The following ST6GALNAC3 variants were observed in gnomAD, a reference collection of about 807,000 sequenced individuals.
The protein encoded by ST6GALNAC3 is alpha-N-acetylgalactosaminide alpha-2,6-sialyltransferase 3.
A neutral mutation model predicts 32.7 loss-of-function variants in ST6GALNAC3; 25 were observed. That is an observed-to-expected ratio of 0.76 (90% CI 0.56 to 1.07). The LOEUF (loss-of-function observed/expected upper bound fraction) is 1.07, where lower values mean the gene tolerates loss of function less well. Ranked by LOEUF, ST6GALNAC3 falls within the 50% of genes least tolerant of loss-of-function variation. The pLI is 0.00. For synonymous variants in ST6GALNAC3, 129 were observed against 133.1 expected, an observed-to-expected ratio of 0.97 and a Z score of 0.21; for missense variants, 355 against 382.4, an observed-to-expected ratio of 0.93 and a Z score of 0.60.
At chr1:76,262,175 T>C (rs1311884712) in intron 1 of ST6GALNAC3, among the ~76,000 whole-genome samples, 1 of 152,220 alleles carries the variant, frequency 6.6e-6, no homozygotes, top group African/African-American at 2.4e-5. Flanking sequence ...GCTTTACCAA[T>C]GATCCCTTAA....
chr1:76,187,579 G>GGCTTT (rs1653635317), intron 1 of ST6GALNAC3, among the ~76,000 whole-genome samples: 2 of 152,168 alleles, frequency 1.3e-5, no homozygotes, highest in South Asian at 4.1e-4. Context: ...TTACTCCAAA[G>GGCTTT]GAACTCTGGA....
chr1:76,494,431 AT>A (rs1660681954), intron 3 of ST6GALNAC3, among the ~76,000 whole-genome samples: 1 of 17,022 alleles, frequency 5.9e-5, no homozygotes. Flanking sequence ...GTGCATGTGT[AT>A]ATATATATAT....
At chr1:76,228,931 T>C (rs1369815391) in intron 1 of ST6GALNAC3, among the ~76,000 whole-genome samples, 2 of 152,138 alleles carry the variant, frequency 1.3e-5, no homozygotes, top group African/African-American at 4.8e-5. Flanking sequence ...TTGATAGATA[T>C]CTGAGCAGAG....
chr1:76,345,092 C>T (rs966954064), intron 2 of ST6GALNAC3, among the ~76,000 whole-genome samples: 14 of 152,224 alleles, frequency 9.2e-5, no homozygotes, highest in Middle Eastern at 3.4e-3. Context: ...TAGCTGATTG[C>T]CTCTTTGTCA....
chr1:76,171,545 G>T (rs184603545), intron 1 of ST6GALNAC3, among the ~76,000 whole-genome samples: 10 of 150,330 alleles, frequency 6.7e-5, no homozygotes, highest in African/African-American at 2.4e-4. Context: ...CCATTAGCTA[G>T]ACTAATAAGG....
At chr1:76,263,148 G>C (rs1658340029) in intron 1 of ST6GALNAC3, among the ~76,000 whole-genome samples, 1 of 151,998 alleles carries the variant, frequency 6.6e-6, no homozygotes, top group Non-Finnish European at 1.5e-5. Flanking sequence ...AAACAATATA[G>C]AGATTATAGT....
chr1:76,263,095 G>A (rs1272687803), intron 1 of ST6GALNAC3, among the ~76,000 whole-genome samples: 1 of 152,040 alleles, frequency 6.6e-6, no homozygotes, highest in African/African-American at 2.4e-5. Context: ...AATATTTTCA[G>A]GTGACTCAGT....
chr1:76,623,354 G>A (rs910454915), intron 3 of ST6GALNAC3, among the ~76,000 whole-genome samples: 7 of 151,868 alleles, frequency 4.6e-5, no homozygotes, highest in African/African-American at 1.7e-4. Flanking sequence ...TCACACGCCT[G>A]CCTTTATTTT....
intron 1 of ST6GALNAC3, among the ~76,000 whole-genome samples, chr1:76,250,747 C>G (rs755827228): frequency 1.3e-5 from 2 of 152,132 alleles, no homozygotes; most frequent in African/African-American, 4.8e-5. Context: ...TGAGGTCTGT[C>G]GTGGTGCCTG....
intron 3 of ST6GALNAC3, among the ~76,000 whole-genome samples, chr1:76,449,387 C>G (rs916185837): frequency 2.6e-5 from 4 of 152,178 alleles, no homozygotes; most frequent in African/African-American, 9.7e-5. Flanking sequence ...TACAAACATT[C>G]ATGTGCAAAA....
chr1:76,313,793 A>G lies in ST6GALNAC3; in HGVS notation c.19-12A>G. 3 of 1,609,856 alleles carry G rather than the reference A, an allele frequency of 1.9e-6. No homozygotes were observed. Among genetic ancestry groups the G allele is most frequent in the Non-Finnish European group, 1.7e-6 (2 of 1,178,350 alleles). ...CATTCGTTCTTCTTTTTGTTTTTTT[A>G]ATGTTTTGTAGAGAAAGTCTGTGAT... is the stretch of plus-strand genomic sequence containing the variant. On this transcript the variant is annotated splice_polypyrimidine_tract_variant and intron_variant, in intron 1 of 4. Coordinates refer to ENST00000328299, the MANE Select transcript of ST6GALNAC3 (RefSeq NM_152996.4).
chr1:76,559,487 C>T (rs1665120019), intron 3 of ST6GALNAC3, among the ~76,000 whole-genome samples: 1 of 152,106 alleles, frequency 6.6e-6, no homozygotes, highest in Admixed American at 6.6e-5. Flanking sequence ...AAATCAGAAG[C>T]ATAAGCAACA....
intron 3 of ST6GALNAC3, among the ~76,000 whole-genome samples, chr1:76,449,765 G>A (rs1212304786): frequency 1.3e-5 from 2 of 152,212 alleles, no homozygotes; most frequent in African/African-American, 4.8e-5. Context: ...TATATTTTGT[G>A]TAACGGTCTT....
chr1:76,525,733 A>G (rs931589045), intron 3 of ST6GALNAC3, among the ~76,000 whole-genome samples: 4 of 139,484 alleles, frequency 2.9e-5, no homozygotes, highest in African/African-American at 7.6e-5. Context: ...ATGTGTGTGT[A>G]TATGTATATA....
At chr1:76,292,245 C>T (rs1257064188) in intron 1 of ST6GALNAC3, among the ~76,000 whole-genome samples, 2 of 151,984 alleles carry the variant, frequency 1.3e-5, no homozygotes, top group Non-Finnish European at 2.9e-5. Context: ...ATTCTGAGTC[C>T]CAATTTAAAA....
intron 2 of ST6GALNAC3, chr1:76,353,485 G>A (rs1203446080): frequency 6.6e-6 from 1 of 152,202 alleles, no homozygotes; most frequent in Admixed American, 6.5e-5. Context: ...TTTGGCCAAG[G>A]TTCCAATTGA....
intron 1 of ST6GALNAC3, among the ~76,000 whole-genome samples, chr1:76,207,446 G>A (rs144669949): frequency 3.5e-4 from 54 of 152,354 alleles, no homozygotes; most frequent in Non-Finnish European, 5.9e-4. Context: ...TAACAACACA[G>A]ATTGGGTAGT....
intron 3 of ST6GALNAC3, among the ~76,000 whole-genome samples, chr1:76,562,307 C>T (rs1290276832): frequency 6.6e-6 from 1 of 152,064 alleles, no homozygotes; most frequent in Non-Finnish European, 1.5e-5. Flanking sequence ...CTAAGTGTCA[C>T]AGTGGAGGAC....
chr1:76,314,149 T>C (rs1646822878), intron 2 of ST6GALNAC3, 150 bp downstream of exon 2: 1 of 652,106 alleles, frequency 1.5e-6, no homozygotes, highest in Non-Finnish European at 2.5e-6. Flanking sequence ...GTCTTATTAT[T>C]CTTAGACATT....
Sources: gnomAD v4.1 joint callset for allele counts (sites outside exome capture counted in the v4.1 genomes callset) on GRCh38, gnomAD v4.1.1 for gene constraint, MANE v1.5 for transcripts, NCBI Gene and HGNC (gene_info 2026-07-23, HGNC 2026-07-21) for gene names.